Variants in ARHGAP28 observed in about 807,000 individuals in gnomAD.
The protein encoded by ARHGAP28 is rho GTPase-activating protein 28.
ARHGAP28 carries 56 observed loss-of-function variants against 90.7 expected under a neutral mutation model. The ratio of observed to expected loss-of-function variants is 0.62; its 90% CI spans 0.50 to 0.77. ARHGAP28 has a LOEUF of 0.77. Among genes scored for constraint, ARHGAP28 ranks in the 30% least tolerant of loss-of-function variants. The pLI, the probability that ARHGAP28 is intolerant of heterozygous loss-of-function variation, is 0.00. For missense variants in ARHGAP28, 869 were observed against 900.9 expected (o/e 0.96, Z 0.45); for synonymous variants, 308 against 323.3 (o/e 0.95, Z 0.51).
In ARHGAP28 at chr18:6,870,680, A is replaced by G; in HGVS notation, c.902A>G (p.Lys301Arg). ...SYSEMVTEALKRNKLKKSEIK... is the reference protein window; with the variant it reads ...SYSEMVTEALRRNKLKKSEIK... ...TCAGAAATGGTTACGGAGGCTCTAA[A>G]AAGAAATAAACTTAAGAAATCAGAG... Residue 301 changes from lysine (K) to arginine (R), a missense_variant, in exon 7 of 18, where the codon AAA becomes AGA. Physicochemically the swap from Lys to Arg is conservative, Grantham distance 26. Transcript: ENST00000383472. The G allele has an allele frequency of 1.2e-6, 2 of 1,612,502 alleles. No homozygotes were observed. The highest frequency in any genetic ancestry group is 1.7e-6 in the Non-Finnish European group (2 of 1,179,104).
chr18:6,750,844 A>G (rs904002922), intron 1 of ARHGAP28, among the ~76,000 whole-genome samples: 1 of 152,224 alleles, frequency 6.6e-6, no homozygotes, highest in East Asian at 1.9e-4. Context: ...TAAGGGACAT[A>G]TTTAAAACAT....
intron 1 of ARHGAP28, among the ~76,000 whole-genome samples, chr18:6,740,290 G>A (rs1242782659): frequency 6.6e-6 from 1 of 152,156 alleles, no homozygotes; most frequent in Non-Finnish European, 1.5e-5. Context: ...ACCAAGTCAG[G>A]TCCTAGACTA....
rs1233874464 is a variant in ARHGAP28, at chr18:6,872,116, G to C, written c.955-1293G>C. 2.6e-5 allele frequency among the ~76,000 whole-genome samples: 4 copies of C among 152,216 alleles called. No individual in the cohort carries two copies. In the South Asian group the frequency reaches 6.2e-4, roughly 24 times the overall value. On this transcript the variant is annotated intron_variant, in intron 7 of 17. Coordinates refer to ENST00000383472, the MANE Select transcript of ARHGAP28 (RefSeq NM_001366230.1). The stretch of plus-strand genomic sequence containing the variant: ...AAGCCTGCAGGACTCTGGTTTCAGG[G>C]GGAGCCCCTCCTTATCTTAAAGAGA...
rs1248045284 is a variant in ARHGAP28 at position 6,821,911 on chromosome 18, G to GATTT, written c.123-2849_123-2846dup. Among the ~76,000 whole-genome samples, 4 of 152,116 alleles carry GATTT rather than the reference G, an allele frequency of 2.6e-5. No homozygotes were observed. In the East Asian group the frequency reaches 7.7e-4, roughly 29 times the overall value. ...AATGTATCTTCCCCTTGTCTTCTGTGATTTACCTATTATTTCACAAATTTC... is the reference window on the plus strand; with the variant it reads ...AATGTATCTTCCCCTTGTCTTCTGTGATTTATTTACCTATTATTTCACAAATTTC... On this transcript the variant is annotated intron_variant, in intron 1 of 17. Transcript: ENST00000383472.
Position 6,873,785 on chromosome 18 carries a change from A to T in ARHGAP28, c.1212+10A>T. ...CCTGGTATTACAAAAAGTGAGTAGC[A>T]GGCAAATGAAAGGGGAATTCACAGA... On this transcript the variant is annotated intron_variant, in intron 9 of 17. Transcript: ENST00000383472. 6.2e-7 allele frequency: 1 copy of T among 1,609,558 alleles called. No individual in the cohort carries two copies. Among genetic ancestry groups the T allele is most frequent in the Non-Finnish European group, 8.5e-7 (1 of 1,176,538 alleles).
intron 1 of ARHGAP28, among the ~76,000 whole-genome samples, chr18:6,783,571 GA>G (rs2056343737): frequency 6.6e-6 from 1 of 151,920 alleles, no homozygotes; most frequent in Non-Finnish European, 1.5e-5. Flanking sequence ...AAAGTGCTGG[GA>G]TTACAGGCGT....
At chr18:6,795,779 A>G (rs1018403680) in intron 1 of ARHGAP28, among the ~76,000 whole-genome samples, 37 of 152,300 alleles carry the variant, frequency 2.4e-4, no homozygotes, top group African/African-American at 8.4e-4. Flanking sequence ...TGTAGCCCCT[A>G]TGTGAATGGT....
chr18:6,871,609 T>C (rs1334955361), intron 7 of ARHGAP28, among the ~76,000 whole-genome samples: 1 of 152,184 alleles, frequency 6.6e-6, no homozygotes, highest in Non-Finnish European at 1.5e-5. Context: ...GTAACATTGG[T>C]CTGTTTGCCA....
At position 6,913,641 on chromosome 18, in the gene ARHGAP28, A is replaced by G. The variant is rs2057410199; in HGVS notation, c.*1487A>G. 1 of 152,116 alleles carries G rather than the reference A, an allele frequency of 6.6e-6. No homozygotes were observed. 9.4% of individuals were successfully genotyped at this position (152,116 alleles called of 1,614,324 possible). A position where few individuals can be genotyped will look rare whatever the true frequency, so the allele number is the denominator to read the frequency against. On this transcript the variant is annotated 3_prime_UTR_variant, in exon 18 of 18. Coordinates refer to ENST00000383472, the MANE Select transcript of ARHGAP28 (RefSeq NM_001366230.1). ...TTGTATATACTATTATTACACCTTG[A>G]TATCTATACAAAACATCACTTGTAT...
At chr18:6,877,836 A>G (rs565274409) in intron 10 of ARHGAP28, among the ~76,000 whole-genome samples, 32 of 152,356 alleles carry the variant, frequency 2.1e-4, no homozygotes, top group South Asian at 4.1e-4. Context: ...TTATATCTGC[A>G]GAGTCAGAGA....
At chr18:6,850,118 A>G (rs1227451438) in intron 3 of ARHGAP28, among the ~76,000 whole-genome samples, 4 of 152,320 alleles carry the variant, frequency 2.6e-5, no homozygotes, top group African/African-American at 9.6e-5. Context: ...TTATAATTCA[A>G]CAATCATACT....
chr18:6,875,217 A>G (rs1262469033), intron 9 of ARHGAP28, among the ~76,000 whole-genome samples: 1 of 152,256 alleles, frequency 6.6e-6, no homozygotes, highest in Non-Finnish European at 1.5e-5. Flanking sequence ...TCATATTGGC[A>G]ACATGTTAGC....
At chr18:6,895,987 C>T (rs1317608522) in intron 15 of ARHGAP28, among the ~76,000 whole-genome samples, 4 of 152,164 alleles carry the variant, frequency 2.6e-5, no homozygotes. Flanking sequence ...CTACACTGCC[C>T]TGCAGTGTTT....
chr18:6,881,333 G>A (rs535692548), intron 10 of ARHGAP28, among the ~76,000 whole-genome samples: 4 of 152,326 alleles, frequency 2.6e-5, no homozygotes, highest in Non-Finnish European at 4.4e-5. Context: ...TTCTGGAGCA[G>A]TTAGTGTCAG....
intron 1 of ARHGAP28, among the ~76,000 whole-genome samples, chr18:6,765,994 T>A (rs536871990): frequency 1.6e-4 from 25 of 152,346 alleles, no homozygotes; most frequent in Non-Finnish European, 3.7e-4. Flanking sequence ...ATGAATTAAG[T>A]CCTTTAAAAT....
intron 1 of ARHGAP28, among the ~76,000 whole-genome samples, chr18:6,755,717 A>T (rs1373379354): frequency 6.6e-6 from 1 of 152,226 alleles, no homozygotes. Flanking sequence ...TTTCTGAGCA[A>T]ACCAGAACAT....
chr18:6,828,376 G>A (rs1194633421), intron 2 of ARHGAP28, among the ~76,000 whole-genome samples: 3 of 147,694 alleles, frequency 2.0e-5, no homozygotes. Flanking sequence ...GGGAGAGGGA[G>A]AGACAGAGGA....
intron 2 of ARHGAP28, among the ~76,000 whole-genome samples, 160 bp downstream of exon 2, chr18:6,825,124 A>G (rs1041238457): frequency 2.0e-5 from 3 of 152,124 alleles, no homozygotes; most frequent in African/African-American, 7.2e-5. Flanking sequence ...ATTTATATCT[A>G]CTGTACTGGC....
intron 7 of ARHGAP28, among the ~76,000 whole-genome samples, chr18:6,871,628 A>G (rs1392338946): frequency 6.6e-6 from 1 of 152,140 alleles, no homozygotes; most frequent in Non-Finnish European, 1.5e-5. Flanking sequence ...CATTCAACCA[A>G]TGCATGTGTG....
Sources: gnomAD v4.1 joint callset for allele counts (sites outside exome capture counted in the v4.1 genomes callset) on GRCh38, gnomAD v4.1.1 for gene constraint, MANE v1.5 for transcripts, NCBI Gene and HGNC (gene_info 2026-07-23, HGNC 2026-07-21) for gene names.